Variants in DDAH1 observed in about 807,000 individuals in gnomAD.
DDAH1 encodes N(G),N(G)-dimethylarginine dimethylaminohydrolase 1.
In DDAH1, 19 loss-of-function variants were observed where a neutral mutation model predicts 28.8. The ratio of observed to expected loss-of-function variants is 0.66; its 90% CI spans 0.46 to 0.97. The LOEUF is 0.97. DDAH1 is among the 50% of genes least tolerant of loss of function. The pLI, the probability that DDAH1 is intolerant of heterozygous loss-of-function variation, is 0.00. For missense variants in DDAH1, 326 were observed against 375.9 expected (o/e 0.87, Z 1.10); for synonymous variants, 153 against 154.4 (o/e 0.99, Z 0.07).
chr1:85,527,997 T>C (rs1156789250), intron 1 of DDAH1, among the ~76,000 whole-genome samples: 3 of 152,160 alleles, frequency 2.0e-5, no homozygotes, highest in African/African-American at 7.2e-5. Context: ...CTGAAGGCAT[T>C]GTTTTAACAA....
intron 3 of DDAH1, 87 bp downstream of exon 3, chr1:85,351,419 A>T: frequency 9.5e-7 from 1 of 1,054,646 alleles, no homozygotes; most frequent in Non-Finnish European, 1.5e-6. Flanking sequence ...AAGCGTAAAC[A>T]CCATTACTCA....
intron 4 of DDAH1, among the ~76,000 whole-genome samples, chr1:85,347,208 C>T (rs535195351): frequency 5.3e-5 from 8 of 152,138 alleles, no homozygotes; most frequent in South Asian, 2.1e-4. Flanking sequence ...GACAGTGTGG[C>T]GATTCCTCAA....
At chr1:85,420,023 C>T (rs544004264) in intron 1 of DDAH1, among the ~76,000 whole-genome samples, 6 of 152,096 alleles carry the variant, frequency 3.9e-5, no homozygotes, top group Non-Finnish European at 7.3e-5. Flanking sequence ...AAACTATCAA[C>T]CCTCTGGAGC....
upstream of DDAH1, chr1:85,467,301 G>A (rs566549818): frequency 6.6e-6 from 1 of 152,300 alleles, no homozygotes; most frequent in Admixed American, 6.5e-5. Context: ...CCTTGTTGGA[G>A]CCTGAATATT....
chr1:85,519,088 C>CTT (rs71075842), intron 1 of DDAH1, among the ~76,000 whole-genome samples: 18,759 of 69,168 alleles, frequency 0.27, 3,433 homozygotes, highest in African/African-American at 0.34. Flanking sequence ...AAAGACGGAT[C>CTT]TTTTTTTTTT....
Position 85,319,455 on chromosome 1 carries a change from G to T in DDAH1, c.*1997C>A, listed in dbSNP as rs1037995373. On this transcript the variant is annotated 3_prime_UTR_variant, in exon 6 of 6. Coordinates refer to ENST00000284031, the MANE Select transcript of DDAH1 (RefSeq NM_012137.4). ...TAAAGATATTAAAAATTATATGCTGGTAAGCCTAAACTGGCAGATTGGGCC... is the reference window on the plus strand; with the variant it reads ...TAAAGATATTAAAAATTATATGCTGTTAAGCCTAAACTGGCAGATTGGGCC... 1 of 152,198 alleles carries T rather than the reference G, an allele frequency of 6.6e-6. No individual in the cohort carries two copies. The highest frequency in any genetic ancestry group is 6.5e-5 in the Admixed American group (1 of 15,280). 9.4% of individuals were successfully genotyped at this position (152,198 alleles called of 1,614,324 possible). A position where few individuals can be genotyped will look rare whatever the true frequency, so the allele number is the denominator to read the frequency against.
rs543142986 is a variant in DDAH1, at chr1:85,334,615, C to G, written c.598-9732G>C. Among the ~76,000 whole-genome samples, 26 of 152,218 alleles carry G rather than the reference C, an allele frequency of 1.7e-4. No homozygotes were observed. In the South Asian group the frequency reaches 5.4e-3, roughly 32 times the overall value. ...ATTTCCCCCTTCACTCTCTTTTCCTCTTGCTCCTTGTGAAGCAAGGTGCTT... is the reference window on the plus strand; with the variant it reads ...ATTTCCCCCTTCACTCTCTTTTCCTGTTGCTCCTTGTGAAGCAAGGTGCTT... On this transcript the variant is annotated intron_variant, in intron 4 of 5. Transcript: ENST00000284031.
intron 1 of DDAH1, among the ~76,000 whole-genome samples, chr1:85,547,666 T>G (rs1390488223): frequency 1.3e-5 from 2 of 152,222 alleles, no homozygotes; most frequent in Admixed American, 6.5e-5. Flanking sequence ...TATCTAAAGA[T>G]GTCTACTCAA....
At chr1:85,481,575 C>T (rs1277590948) in intron 2 of DDAH1, among the ~76,000 whole-genome samples, 3 of 152,172 alleles carry the variant, frequency 2.0e-5, no homozygotes, top group African/African-American at 7.2e-5. Context: ...ATCTTTTTTA[C>T]ACATTATAAA....
chr1:85,516,101 C>T (rs1224942589), intron 1 of DDAH1, among the ~76,000 whole-genome samples: 5 of 151,480 alleles, frequency 3.3e-5, no homozygotes, highest in Non-Finnish European at 7.4e-5. Flanking sequence ...CCTGTATGGC[C>T]TCATTCTACC....
chr1:85,464,793 C>A lies in DDAH1; in HGVS notation c.253G>T (p.Glu85Ter). ...GGTCGGGTGATGAGGGCCGTCTCCT[C>A]GCACACCACGGCCACGTCCTCCACG... is the stretch of plus-strand genomic sequence containing the variant. ...VFVEDVAVVC[E>*]ETALITRPGA... The change falls in exon 1 of 6, where the codon GAG becomes TAG. Residue 85 changes from glutamate to a stop codon, truncating the protein, a stop_gained. Coordinates refer to ENST00000284031, the MANE Select transcript of DDAH1 (RefSeq NM_012137.4). LOFTEE classifies it high-confidence loss of function. The surrounding 1 kb of genome is among the most constrained non-coding windows in gnomAD (Gnocchi z 4.4). The A allele has an allele frequency of 6.3e-7, 1 of 1,583,006 alleles. No individual in the cohort carries two copies. Among genetic ancestry groups the A allele is most frequent in the Non-Finnish European group, 8.5e-7 (1 of 1,171,848 alleles).
chr1:85,392,528 C>T (rs1041296642), intron 1 of DDAH1, among the ~76,000 whole-genome samples: 5 of 152,112 alleles, frequency 3.3e-5, no homozygotes, highest in African/African-American at 1.2e-4. Flanking sequence ...GGTGTGATGG[C>T]TCACACCTGT....
chr1:85,319,728 G>C lies in DDAH1; in HGVS notation c.*1724C>G, dbSNP rs1661243334. On this transcript the variant is annotated 3_prime_UTR_variant, in exon 6 of 6. Coordinates refer to ENST00000284031, the MANE Select transcript of DDAH1 (RefSeq NM_012137.4). ...ACAGGATGCACATAATTGGATATCT[G>C]CATATGGCATGAATTAAAAAGTTAA... is the stretch of plus-strand genomic sequence containing the variant. The C allele has an allele frequency of 6.6e-6, 1 of 152,216 alleles. No individual in the cohort carries two copies. The highest frequency in any genetic ancestry group is 1.5e-5 in the Non-Finnish European group (1 of 68,038). 9.4% of individuals were successfully genotyped at this position (152,216 alleles called of 1,614,324 possible). A position where few individuals can be genotyped will look rare whatever the true frequency, so the allele number is the denominator to read the frequency against.
intron 1 of DDAH1, among the ~76,000 whole-genome samples, chr1:85,391,238 C>T (rs562965746): frequency 6.6e-6 from 1 of 152,310 alleles, no homozygotes; most frequent in South Asian, 2.1e-4. Flanking sequence ...GACTTATACT[C>T]TTCGGACAAA....
intron 1 of DDAH1, among the ~76,000 whole-genome samples, chr1:85,404,060 G>A (rs1433812490): frequency 6.6e-6 from 1 of 152,014 alleles, no homozygotes; most frequent in East Asian, 1.9e-4. Context: ...GTAGGATAAT[G>A]AATATTTCTA....
At chr1:85,387,343 T>C (rs752732331) in intron 1 of DDAH1, among the ~76,000 whole-genome samples, 9 of 152,222 alleles carry the variant, frequency 5.9e-5, no homozygotes, top group Non-Finnish European at 1.3e-4. Flanking sequence ...TATAGGCTGT[T>C]AGAAGCAGCT....
intron 1 of DDAH1, among the ~76,000 whole-genome samples, chr1:85,519,339 G>A (rs373561419): frequency 1.5e-4 from 23 of 152,048 alleles, no homozygotes; most frequent in Admixed American, 1.0e-3. Flanking sequence ...CTCGTGATCC[G>A]CCCGCCGTGG....
At chr1:85,381,724 T>A (rs1651005687) in intron 1 of DDAH1, among the ~76,000 whole-genome samples, 1 of 152,210 alleles carries the variant, frequency 6.6e-6, no homozygotes, top group Non-Finnish European at 1.5e-5. Context: ...ATACTGTTTT[T>A]TTTTTTACAA....
intron 1 of DDAH1, among the ~76,000 whole-genome samples, chr1:85,455,915 GTTAA>G (rs1654860704): frequency 6.6e-6 from 1 of 152,158 alleles, no homozygotes; most frequent in Admixed American, 6.5e-5. Flanking sequence ...CATATGATTA[GTTAA>G]TTAAGCAGAA....
Sources: gnomAD v4.1 joint callset for allele counts (sites outside exome capture counted in the v4.1 genomes callset) on GRCh38, gnomAD v4.1.1 for gene constraint, Gnocchi (gnomAD v3.1) non-coding constraint, MANE v1.5 for transcripts, NCBI Gene and HGNC (gene_info 2026-07-23, HGNC 2026-07-21) for gene names.